The following DDX60 variants were observed in gnomAD, a reference collection of about 807,000 sequenced individuals.
DDX60 encodes DExD/H-box helicase 60.
A neutral mutation model predicts 212.8 loss-of-function variants in DDX60; 165 were observed. That is an observed-to-expected ratio of 0.78 (90% CI 0.68 to 0.88). The LOEUF (loss-of-function observed/expected upper bound fraction) is 0.88. DDX60 is among the 40% of genes least tolerant of loss of function. The pLI, the probability that DDX60 is intolerant of heterozygous loss-of-function variation, is 0.00. For synonymous variants in DDX60, 703 were observed against 685.3 expected (o/e 1.03, Z -0.40); for missense variants, 1,905 against 2,003.9 (o/e 0.95, Z 0.94).
At chr4:168,273,782 T>C (rs942698627) in intron 17 of DDX60, 152 bp downstream of exon 17, 4 of 740,896 alleles carry the variant, frequency 5.4e-6, no homozygotes, top group African/African-American at 3.5e-5. Flanking sequence ...TATGTGTATA[T>C]GTATATGTAT....
chr4:168,312,744 A>AT (rs1737195014), intron 1 of DDX60, among the ~76,000 whole-genome samples: 1 of 152,134 alleles, frequency 6.6e-6, no homozygotes, highest in Non-Finnish European at 1.5e-5. Context: ...ATAGATAGAT[A>AT]GATATGATAG....
chr4:168,313,699 G>A (rs1455494861), intron 1 of DDX60, among the ~76,000 whole-genome samples: 1 of 152,156 alleles, frequency 6.6e-6, no homozygotes, highest in Non-Finnish European at 1.5e-5. Flanking sequence ...GTTCCCAGAT[G>A]TTCACGATGC....
chr4:168,292,158 C>T (rs1360945289), intron 7 of DDX60, among the ~76,000 whole-genome samples: 1 of 150,926 alleles, frequency 6.6e-6, no homozygotes, highest in African/African-American at 2.4e-5. Flanking sequence ...AGTGATTCTC[C>T]TGCCTCAGCC....
At chr4:168,281,194 C>G (rs1427425467) in intron 13 of DDX60, among the ~76,000 whole-genome samples, 1 of 152,074 alleles carries the variant, frequency 6.6e-6, no homozygotes, top group Non-Finnish European at 1.5e-5. Context: ...AGACAACAGA[C>G]TGCCTCTCTT....
intron 22 of DDX60, among the ~76,000 whole-genome samples, 160 bp from the exon 23 acceptor site, chr4:168,262,947 T>A (rs1254641851): frequency 2.0e-5 from 3 of 152,068 alleles, no homozygotes; most frequent in Admixed American, 6.6e-5. Context: ...TCAACACAGT[T>A]CCCTGAATCA....
In DDX60 at chr4:168,308,058, T is replaced by C. The variant is rs770412697; in HGVS notation, c.212A>G (p.Tyr71Cys). 10 of 1,610,598 alleles carry C rather than the reference T, an allele frequency of 6.2e-6. No individual in the cohort carries two copies. The highest frequency in any genetic ancestry group is 8.5e-6 in the Non-Finnish European group (10 of 1,179,434). The change falls in exon 4 of 38, where the codon TAT (tyrosine) becomes TGT (cysteine). Residue 71 changes from tyrosine to cysteine, a missense_variant. Tyr to Cys is a radical substitution (Grantham distance 194). Coordinates refer to ENST00000393743, the MANE Select transcript of DDX60 (RefSeq NM_017631.6). Reference protein sequence around the residue: ...NLHFFYLVERYLVDLISKGGQ... With the variant: ...NLHFFYLVERCLVDLISKGGQ... The stretch of plus-strand genomic sequence containing the variant: ...TCCTTTGCTAATAAGATCCACAAGA[T>C]AGCGTTCAACCAGATAGAAGAAATG...
intron 33 of DDX60, among the ~76,000 whole-genome samples, chr4:168,233,301 G>T (rs1038116198): frequency 6.6e-6 from 1 of 152,036 alleles, no homozygotes; most frequent in Non-Finnish European, 1.5e-5. Flanking sequence ...ACAGTATGGA[G>T]ATTCCTTAAC....
chr4:168,286,986 G>T, intron 10 of DDX60, 62 bp downstream of exon 10: 1 of 1,332,500 alleles, frequency 7.5e-7, no homozygotes, highest in Non-Finnish European at 1.0e-6. Flanking sequence ...AATTAGTGGT[G>T]TTTCCTAAAC....
At chr4:168,277,893 G>T (rs1308212109) in intron 14 of DDX60, among the ~76,000 whole-genome samples, 1 of 150,600 alleles carries the variant, frequency 6.6e-6, no homozygotes, top group African/African-American at 2.4e-5. Flanking sequence ...ATTTTGAGTC[G>T]TGTGATGAAA....
At chr4:168,284,452 A>T (rs1279945442) in intron 12 of DDX60, among the ~76,000 whole-genome samples, 1 of 152,228 alleles carries the variant, frequency 6.6e-6, no homozygotes, top group Non-Finnish European at 1.5e-5. Flanking sequence ...GAAGGCAGAT[A>T]GAATGCTGGT....
At chr4:168,277,802 C>G (rs542388492) in intron 14 of DDX60, among the ~76,000 whole-genome samples, 1 of 143,290 alleles carries the variant, frequency 7.0e-6, no homozygotes, top group East Asian at 2.0e-4. Context: ...GAGCGAGACT[C>G]CATCTCAAAA....
At chr4:168,238,662 A>C (rs1733728974) in intron 30 of DDX60, among the ~76,000 whole-genome samples, 1 of 151,888 alleles carries the variant, frequency 6.6e-6, no homozygotes, top group South Asian at 2.1e-4. Context: ...ATATAGTCAG[A>C]GATGGCAATA....
chr4:168,240,696 G>T (rs1345152371), intron 30 of DDX60, among the ~76,000 whole-genome samples: 1 of 152,106 alleles, frequency 6.6e-6, no homozygotes, highest in African/African-American at 2.4e-5. Flanking sequence ...TGGGGAAAGG[G>T]TTTCCTATTT....
At chr4:168,322,130 T>C (rs926778586), upstream of DDX60, among the ~76,000 whole-genome samples, 1 of 152,200 alleles carries the variant, frequency 6.6e-6, no homozygotes, top group Non-Finnish European at 1.5e-5. Flanking sequence ...CAAACAATGC[T>C]TGTTTAGTCC....
chr4:168,308,217 AC>A (rs751587561), intron 3 of DDX60, 22 bp from the exon 4 acceptor site: 6 of 1,366,482 alleles, frequency 4.4e-6, no homozygotes, highest in Non-Finnish European at 6.1e-6. Context: ...AACAGTTAAA[AC>A]AAAAATCACA....
At chr4:168,241,714 A>G (rs959884548) in intron 30 of DDX60, among the ~76,000 whole-genome samples, 2 of 152,174 alleles carry the variant, frequency 1.3e-5, no homozygotes, top group African/African-American at 4.8e-5. Flanking sequence ...GAAGCAGAGC[A>G]TAAAAGTTCA....
intron 6 of DDX60, among the ~76,000 whole-genome samples, chr4:168,298,873 A>T (rs561052282): frequency 6.6e-5 from 10 of 152,066 alleles, no homozygotes; most frequent in Non-Finnish European, 1.3e-4. Context: ...TTTAAAAATC[A>T]TGAACGTAGC....
intron 6 of DDX60, among the ~76,000 whole-genome samples, chr4:168,296,200 C>T (rs371841495): frequency 9.1e-4 from 139 of 152,164 alleles, no homozygotes; most frequent in African/African-American, 3.1e-3. Flanking sequence ...TTAATTAGCT[C>T]CATGTAATCA....
intron 25 of DDX60, among the ~76,000 whole-genome samples, chr4:168,257,122 C>T (rs777558595): frequency 3.9e-5 from 6 of 152,108 alleles, no homozygotes; most frequent in Non-Finnish European, 8.8e-5. Context: ...GTCAGGAGTT[C>T]GAGACCAGCC....
Sources: gnomAD v4.1 joint callset for allele counts (sites outside exome capture counted in the v4.1 genomes callset) on GRCh38, gnomAD v4.1.1 for gene constraint, MANE v1.5 for transcripts, NCBI Gene and HGNC (gene_info 2026-07-23, HGNC 2026-07-21) for gene names.